TSHZ3: variants seen among roughly 807,000 people sequenced by gnomAD.
TSHZ3 encodes the protein teashirt zinc finger homeobox 3, also known as teashirt homolog 3.
A neutral mutation model predicts 64.5 loss-of-function variants in TSHZ3; 10 were observed. That is an observed-to-expected ratio of 0.16 (90% CI 0.10 to 0.26). The LOEUF is 0.26. TSHZ3 is among the 10% of genes least tolerant of loss of function. The probability of loss-of-function intolerance (pLI) is 1.00; values close to 1 mark genes in which losing one functional copy is unlikely to be tolerated. For missense variants in TSHZ3, 1,242 were observed against 1,421.7 expected (o/e 0.87, Z 2.03); for synonymous variants, 608 against 593.1 (o/e 1.03, Z -0.36).
chr19:31,297,030 G>A (rs1001371667), intron 1 of TSHZ3, among the ~76,000 whole-genome samples: 6 of 152,226 alleles, frequency 3.9e-5, no homozygotes, highest in African/African-American at 1.2e-4. Flanking sequence ...GGAGCGGGAG[G>A]TGGGAGGCTG....
intron 1 of TSHZ3, among the ~76,000 whole-genome samples, chr19:31,342,375 G>T (rs1396035126): frequency 6.6e-6 from 1 of 152,164 alleles, no homozygotes; most frequent in South Asian, 2.1e-4. Context: ...ATAGTACGTT[G>T]GTGATAGTGG....
At chr19:31,196,734 A>T (rs925917628) in intron 5 of TSHZ3, among the ~76,000 whole-genome samples, 9 of 152,040 alleles carry the variant, frequency 5.9e-5, no homozygotes, top group African/African-American at 1.7e-4. Context: ...TTGCATAATG[A>T]TGAAGGAGTC....
In TSHZ3 at chr19:31,278,127, G is replaced by A. The variant is rs199627047; in HGVS notation, c.1666C>T (p.Leu556Phe). ...GYPSIHAAYQ[L>F]PNMMKLSLGS... ...AGGGACAACTTCATCATGTTGGGAA[G>A]TTGGTAGGCGGCATGGATGCTGGGA... is the stretch of plus-strand genomic sequence containing the variant. Residue 556 changes from leucine (L) to phenylalanine (F), a missense_variant, in exon 2 of 2, where the codon CTT becomes TTT. Around this residue, in one of 4 missense-constraint regions of TSHZ3, gnomAD observed 550 missense variants for 545.1 expected, o/e 1.01. Transcript: ENST00000240587. The surrounding 1 kb of genome is among the most constrained non-coding windows in gnomAD (Gnocchi z 4.7). 1.2e-6 allele frequency: 2 copies of A among 1,614,168 alleles called. No individual in the cohort carries two copies. The highest frequency in any genetic ancestry group is 2.7e-5 in the African/African-American group (2 of 75,052).
intron 1 of TSHZ3, among the ~76,000 whole-genome samples, chr19:31,343,429 A>C (rs1555740845): frequency 6.6e-6 from 1 of 152,134 alleles, no homozygotes; most frequent in Non-Finnish European, 1.5e-5. Context: ...ATTGAAAGTA[A>C]TTAAACCCAA....
At chr19:31,257,239 GGT>G (rs1157897194) in intron 1 of TSHZ3, among the ~76,000 whole-genome samples, 1 of 152,186 alleles carries the variant, frequency 6.6e-6, no homozygotes, top group Non-Finnish European at 1.5e-5. Context: ...GGAGCAGGAC[GGT>G]GCCGTGGGGA....
At chr19:31,299,999 T>C (rs1352574904) in intron 1 of TSHZ3, among the ~76,000 whole-genome samples, 1 of 152,224 alleles carries the variant, frequency 6.6e-6, no homozygotes, top group East Asian at 1.9e-4. Context: ...ATTATTGCAA[T>C]TTGACATTCA....
intron 4 of TSHZ3, among the ~76,000 whole-genome samples, chr19:31,216,740 G>C (rs970545512): frequency 6.6e-6 from 1 of 152,074 alleles, no homozygotes; most frequent in Non-Finnish European, 1.5e-5. Flanking sequence ...GGGTTCATGC[G>C]ATTCTCCTGC....
intron 5 of TSHZ3, among the ~76,000 whole-genome samples, chr19:31,191,668 G>A (rs1974909213): frequency 6.6e-6 from 1 of 152,050 alleles, no homozygotes; most frequent in Non-Finnish European, 1.5e-5. Context: ...AGCAGACTGG[G>A]CAACATAGTG....
In TSHZ3 at chr19:31,276,881, G is replaced by C. The variant is rs1976245988; in HGVS notation, c.2912C>G (p.Thr971Ser). 6.2e-7 allele frequency: 1 copy of C among 1,614,088 alleles called. No homozygotes were observed. The highest frequency in any genetic ancestry group is 1.3e-5 in the African/African-American group (1 of 74,930). ...GGTKFLKNLD[T>S]GHPVFFCNDC... ...GTTACAAAAGAAGACGGGGTGGCCAGTGTCCAAGTTTTTGAGGAACTTTGT... is the reference window on the plus strand; with the variant it reads ...GTTACAAAAGAAGACGGGGTGGCCACTGTCCAAGTTTTTGAGGAACTTTGT... Residue 971 changes from threonine (T) to serine (S), a missense_variant, in exon 2 of 2, where the codon ACT becomes AGT. By Grantham distance (58) the Thr-to-Ser change is moderately conservative. This residue lies in a region of TSHZ3 where 126 missense variants were observed against 140.6 expected (regional missense o/e 0.90). Coordinates refer to ENST00000240587, the MANE Select transcript of TSHZ3 (RefSeq NM_020856.4).
intron 5 of TSHZ3, among the ~76,000 whole-genome samples, chr19:31,199,087 A>G (rs2101907): frequency 0.63 from 95,596 of 151,924 alleles, 30,325 homozygotes; most frequent in Middle Eastern, 0.72. Flanking sequence ...GGAACAGAAT[A>G]AAAACCCCAG....
At chr19:31,245,116 T>C (rs191473064) in intron 1 of TSHZ3, among the ~76,000 whole-genome samples, 3 of 152,298 alleles carry the variant, frequency 2.0e-5, no homozygotes, top group Admixed American at 6.5e-5. Context: ...ATTTTTTTCT[T>C]TATTATAATA....
intron 1 of TSHZ3, among the ~76,000 whole-genome samples, chr19:31,346,042 T>G (rs1421217711): frequency 6.6e-6 from 1 of 152,182 alleles, no homozygotes; most frequent in Admixed American, 6.5e-5. Context: ...TCTTTCTCTT[T>G]GAGAAAAGAC....
intron 3 of TSHZ3, among the ~76,000 whole-genome samples, chr19:31,241,271 AG>A (rs1270643968): frequency 3.3e-5 from 5 of 152,228 alleles, no homozygotes; most frequent in Non-Finnish European, 5.9e-5. Context: ...CTAATTTGAC[AG>A]GACTCAAACT....
intron 1 of TSHZ3, among the ~76,000 whole-genome samples, chr19:31,307,868 C>G (rs1050774646): frequency 6.6e-6 from 1 of 152,132 alleles, no homozygotes; most frequent in Non-Finnish European, 1.5e-5. Flanking sequence ...TCTCTTTGGA[C>G]AGGCCTGATC....
intron 1 of TSHZ3, among the ~76,000 whole-genome samples, chr19:31,312,411 C>T (rs566621188): frequency 3.0e-4 from 45 of 152,276 alleles, no homozygotes; most frequent in African/African-American, 1.0e-3. Context: ...ATCACACTTC[C>T]GATGGGGTAG....
At chr19:31,283,369 A>G (rs148848863) in intron 1 of TSHZ3, among the ~76,000 whole-genome samples, 14 of 152,338 alleles carry the variant, frequency 9.2e-5, no homozygotes, top group Admixed American at 9.2e-4. Flanking sequence ...GAAAATTCCC[A>G]TCTTCCACCA....
chr19:31,285,781 C>CA (rs3030263), intron 1 of TSHZ3, among the ~76,000 whole-genome samples: 5,868 of 44,894 alleles, frequency 0.13, 1,050 homozygotes, highest in East Asian at 0.32. Flanking sequence ...GCCACTGTCT[C>CA]AAAAAAAAAA....
At chr19:31,202,647 C>G (rs948818873) in intron 5 of TSHZ3, among the ~76,000 whole-genome samples, 1 of 152,140 alleles carries the variant, frequency 6.6e-6, no homozygotes, top group African/African-American at 2.4e-5. Context: ...TTCATGAACA[C>G]ACATGAAATT....
At chr19:31,280,189 C>T (rs967431211) in intron 1 of TSHZ3, among the ~76,000 whole-genome samples, 1 of 152,110 alleles carries the variant, frequency 6.6e-6, no homozygotes, top group African/African-American at 2.4e-5. Context: ...GACAGATTCA[C>T]AATTTAAATT....
Sources: allele counts gnomAD v4.1 joint callset (sites outside exome capture counted in the v4.1 genomes callset), GRCh38; gene constraint gnomAD v4.1.1; regional missense constraint gnomAD v4.1.1; non-coding constraint Gnocchi (gnomAD v3.1); transcripts MANE v1.5; gene names NCBI Gene and HGNC (gene_info 2026-07-23, HGNC 2026-07-21).